CTNND2: variants seen among roughly 807,000 people sequenced by gnomAD.
CTNND2 encodes the protein catenin delta-2.
In CTNND2, 22 loss-of-function variants were observed where a neutral mutation model predicts 144.4. The observed-to-expected ratio is 0.15, with a 90% CI of 0.11 to 0.22. The LOEUF (loss-of-function observed/expected upper bound fraction) is 0.22, where lower values mean the gene tolerates loss of function less well. Ranked by LOEUF, CTNND2 falls within the 10% of genes least tolerant of loss-of-function variation. The probability of loss-of-function intolerance (pLI) is 1.00; values close to 1 mark genes in which losing one functional copy is unlikely to be tolerated. For synonymous variants in CTNND2, 751 were observed against 695.6 expected (o/e 1.08, Z -1.25); for missense variants, 1,353 against 1,618.8 (o/e 0.84, Z 2.82).
intron 1 of CTNND2, among the ~76,000 whole-genome samples, chr5:11,746,546 C>T (rs1315089422): frequency 6.6e-6 from 1 of 151,960 alleles, no homozygotes; most frequent in East Asian, 1.9e-4. Context: ...CCCCTTTTTC[C>T]TTTAAGCCAT....
chr5:11,540,885 A>G (rs1774668392), intron 3 of CTNND2, among the ~76,000 whole-genome samples: 1 of 152,220 alleles, frequency 6.6e-6, no homozygotes, highest in Admixed American at 6.5e-5. Context: ...TTAACTCATC[A>G]ACAAGTGCTT....
chr5:11,128,291 G>A (rs929230430), intron 12 of CTNND2, among the ~76,000 whole-genome samples: 1 of 152,004 alleles, frequency 6.6e-6, no homozygotes, highest in African/African-American at 2.4e-5. Flanking sequence ...GCTCTCAACT[G>A]GCCACCACCA....
In CTNND2 at chr5:11,037,192, G is replaced by A. The variant is rs80183379; in HGVS notation, c.2789-14213C>T. On this transcript the variant is annotated intron_variant, in intron 16 of 21. Transcript: ENST00000304623. ...CTGTGCCCTCACCACTCTCATGGCC[G>A]TCACTGACTAATTATTTATGAAACT... Among the ~76,000 whole-genome samples, 1,076 of 152,252 alleles carry A rather than the reference G, an allele frequency of 7.1e-3. 14 individuals carry two copies. The highest frequency in any genetic ancestry group is 0.025 in the African/African-American group (1,043 of 41,544).
chr5:11,169,537 G>C (rs1351380010), intron 11 of CTNND2, among the ~76,000 whole-genome samples: 1 of 152,136 alleles, frequency 6.6e-6, no homozygotes, highest in Non-Finnish European at 1.5e-5. Flanking sequence ...GTTCCATTAA[G>C]TACTATAACC....
chr5:11,841,424 G>C (rs1794467061), intron 1 of CTNND2, among the ~76,000 whole-genome samples: 1 of 152,102 alleles, frequency 6.6e-6, no homozygotes, highest in South Asian at 2.1e-4. Flanking sequence ...ACTGTGTTTA[G>C]GTCATAAGTT....
intron 2 of CTNND2, among the ~76,000 whole-genome samples, chr5:11,621,797 AT>A (rs756518766): frequency 7.9e-5 from 12 of 152,152 alleles, no homozygotes; most frequent in Non-Finnish European, 1.5e-4. Context: ...CCATCTGAAA[AT>A]TTTAAACATC....
At chr5:11,552,663 T>C (rs769236607) in intron 3 of CTNND2, among the ~76,000 whole-genome samples, 5 of 152,168 alleles carry the variant, frequency 3.3e-5, no homozygotes, top group African/African-American at 4.8e-5. Flanking sequence ...ACCACAATCT[T>C]CTAGCACTCA....
intron 3 of CTNND2, among the ~76,000 whole-genome samples, chr5:11,454,087 T>C (rs1475923567): frequency 2.0e-5 from 3 of 152,208 alleles, no homozygotes; most frequent in African/African-American, 4.8e-5. Flanking sequence ...TTTCCTATAT[T>C]TTCTATAACA....
At chr5:11,278,879 C>G (rs1405208087) in intron 9 of CTNND2, among the ~76,000 whole-genome samples, 3 of 152,138 alleles carry the variant, frequency 2.0e-5, no homozygotes, top group African/African-American at 7.2e-5. Context: ...TCTCTTTCCA[C>G]AATTCTCCCT....
chr5:11,690,095 T>C (rs889450335), intron 2 of CTNND2, among the ~76,000 whole-genome samples: 1 of 152,200 alleles, frequency 6.6e-6, no homozygotes, highest in African/African-American at 2.4e-5. Flanking sequence ...ACTTTCAAAT[T>C]GCCTCAATTA....
chr5:11,570,311 C>G (rs1777459631), intron 2 of CTNND2, among the ~76,000 whole-genome samples: 2 of 152,178 alleles, frequency 1.3e-5, no homozygotes, highest in Admixed American at 6.5e-5. Context: ...TCCTTTGTCC[C>G]TCTCTTCCGT....
At chr5:11,723,299 A>G (rs1786790570) in intron 2 of CTNND2, among the ~76,000 whole-genome samples, 1 of 152,164 alleles carries the variant, frequency 6.6e-6, no homozygotes, top group African/African-American at 2.4e-5. Context: ...GATATAGTTG[A>G]GTAAATAAGC....
At chr5:11,533,590 A>G (rs550050460) in intron 3 of CTNND2, among the ~76,000 whole-genome samples, 8 of 152,292 alleles carry the variant, frequency 5.3e-5, no homozygotes, top group Admixed American at 2.6e-4. Context: ...CTTCCTTTCC[A>G]TGGTAGCCCA....
chr5:11,629,548 G>T (rs571401698), intron 2 of CTNND2, among the ~76,000 whole-genome samples: 1 of 152,298 alleles, frequency 6.6e-6, no homozygotes, highest in African/African-American at 2.4e-5. Context: ...GAGAGATCAC[G>T]ACATAAACAG....
intron 1 of CTNND2, among the ~76,000 whole-genome samples, chr5:11,850,949 T>C (rs964776250): frequency 1.8e-4 from 27 of 152,214 alleles, no homozygotes; most frequent in Admixed American, 3.9e-4. Flanking sequence ...GATTAATAGT[T>C]ACAATCAGCT....
intron 1 of CTNND2, among the ~76,000 whole-genome samples, chr5:11,859,667 G>A (rs1470573585): frequency 6.6e-6 from 1 of 152,094 alleles, no homozygotes; most frequent in East Asian, 1.9e-4. Flanking sequence ...ATCTATGAGA[G>A]CCACCTACAT....
At chr5:11,260,898 G>T (rs1744789110) in intron 9 of CTNND2, among the ~76,000 whole-genome samples, 1 of 152,152 alleles carries the variant, frequency 6.6e-6, no homozygotes, top group Non-Finnish European at 1.5e-5. Flanking sequence ...AGTAAAGACT[G>T]AATCCATACA....
intron 8 of CTNND2, among the ~76,000 whole-genome samples, chr5:11,355,570 A>G (rs1248588440): frequency 2.0e-5 from 3 of 152,154 alleles, no homozygotes; most frequent in Non-Finnish European, 2.9e-5. Context: ...TCCACAGCTA[A>G]TATCATACTG....
At chr5:11,822,735 G>C (rs1309380927) in intron 1 of CTNND2, among the ~76,000 whole-genome samples, 3 of 152,120 alleles carry the variant, frequency 2.0e-5, no homozygotes, top group African/African-American at 7.2e-5. Context: ...CTGACCAAAA[G>C]TCAGTTAGGA....
Sources: gnomAD v4.1 joint callset for allele counts (sites outside exome capture counted in the v4.1 genomes callset) on GRCh38, gnomAD v4.1.1 for gene constraint, MANE v1.5 for transcripts, NCBI Gene and HGNC (gene_info 2026-07-23, HGNC 2026-07-21) for gene names.